SLC25A16: variants seen among roughly 807,000 people sequenced by gnomAD.
SLC25A16 encodes the protein solute carrier family 25 member 16, also known as mitochondrial coenzyme A transporter SLC25A16.
SLC25A16 carries 39 observed loss-of-function variants against 41.5 expected under a neutral mutation model. The ratio of observed to expected loss-of-function variants is 0.94; its 90% CI spans 0.73 to 1.23. The LOEUF is 1.23. SLC25A16 is among the 50% of genes most tolerant of loss of function. The pLI, the probability that SLC25A16 is intolerant of heterozygous loss-of-function variation, is 0.00. For synonymous variants in SLC25A16, 146 were observed against 147.8 expected, an observed-to-expected ratio of 0.99 and a Z score of 0.09; for missense variants, 421 against 426.9, an observed-to-expected ratio of 0.99 and a Z score of 0.12.
chr10:68,499,185 G>T (rs1348105936), intron 4 of SLC25A16, among the ~76,000 whole-genome samples: 2 of 152,132 alleles, frequency 1.3e-5, no homozygotes, highest in Admixed American at 1.3e-4. Flanking sequence ...AGTTACAGAG[G>T]TTTTGGGTGA....
intron 2 of SLC25A16, among the ~76,000 whole-genome samples, chr10:68,507,784 G>C (rs2052982970): frequency 6.6e-6 from 1 of 151,970 alleles, no homozygotes; most frequent in African/African-American, 2.4e-5. Context: ...GCAAACTTTT[G>C]ATCAAATATG....
chr10:68,496,431 T>A lies in SLC25A16; in HGVS notation c.422-2861A>T, dbSNP rs193142063. On this transcript the variant is annotated intron_variant, in intron 4 of 8. Coordinates refer to ENST00000609923, the MANE Select transcript of SLC25A16 (RefSeq NM_152707.4). ...CAAATAAGGCAAATCAGAAACTGCT[T>A]ACCTTGAATAGTGGTGGTAACAGCT... 5.3e-5 allele frequency: 51 copies of A among 967,838 alleles called. No homozygotes were observed. In the African/African-American group the frequency reaches 8.4e-4, roughly 16 times the overall value. 60.0% of individuals were successfully genotyped at this position (967,838 alleles called of 1,614,324 possible). A position where few individuals can be genotyped will look rare whatever the true frequency, so the allele number is the denominator to read the frequency against.
chr10:68,487,227 A>C lies in SLC25A16; in HGVS notation c.774-15T>G. On this transcript the variant is annotated splice_polypyrimidine_tract_variant and intron_variant, in intron 7 of 8. Coordinates refer to ENST00000609923, the MANE Select transcript of SLC25A16 (RefSeq NM_152707.4). ...CAAATGGGTAGCTAAAAGAAGAAAA[A>C]GGCATAAAGAATTAAAAATTTTTGG... The C allele has an allele frequency of 6.2e-7, 1 of 1,609,024 alleles. No homozygotes were observed. Among genetic ancestry groups the C allele is most frequent in the Non-Finnish European group, 8.5e-7 (1 of 1,176,764 alleles).
rs910228911 is a variant in SLC25A16, at chr10:68,521,826, T to C, written c.131-4983A>G. 2.6e-5 allele frequency among the ~76,000 whole-genome samples: 4 copies of C among 151,096 alleles called. 1 individual carries two copies. In the South Asian group the frequency reaches 6.3e-4, roughly 24 times the overall value. ...TTTAGCCGGGATGGTCTCGATCTCC[T>C]GACCTCGTGATCCGCCCGCCTCGGC... On this transcript the variant is annotated intron_variant, in intron 1 of 8. Coordinates refer to ENST00000609923, the MANE Select transcript of SLC25A16 (RefSeq NM_152707.4).
At chr10:68,514,501 A>C (rs10998243) in intron 2 of SLC25A16, among the ~76,000 whole-genome samples, 12,730 of 152,190 alleles carry the variant, frequency 0.084, 774 homozygotes, top group South Asian at 0.24. Context: ...ATCTCAAAAA[A>C]TAATAATAAT....
chr10:68,504,599 G>T (rs1030785467), intron 3 of SLC25A16, among the ~76,000 whole-genome samples: 8 of 148,474 alleles, frequency 5.4e-5, no homozygotes, highest in African/African-American at 1.7e-4. Context: ...GGATGGTCTC[G>T]ATCTCCTGAA....
At chr10:68,524,209 C>G (rs903648596) in intron 1 of SLC25A16, among the ~76,000 whole-genome samples, 1 of 147,224 alleles carries the variant, frequency 6.8e-6, no homozygotes, top group Non-Finnish European at 1.5e-5. Flanking sequence ...ACTCAGGAGG[C>G]TGAGGCAGGA....
At chr10:68,513,350 C>T (rs914156945) in intron 2 of SLC25A16, among the ~76,000 whole-genome samples, 3 of 144,274 alleles carry the variant, frequency 2.1e-5, no homozygotes, top group South Asian at 2.2e-4. Context: ...CAGAGGATAC[C>T]ATGAGCTGAG....
chr10:68,521,570 C>T (rs1590129691), intron 1 of SLC25A16, among the ~76,000 whole-genome samples: 2 of 143,230 alleles, frequency 1.4e-5, no homozygotes, highest in African/African-American at 5.1e-5. Flanking sequence ...TGCAGTGGGT[C>T]ATGCCTGTAA....
At chr10:68,494,159 T>C (rs2052708444) in intron 4 of SLC25A16, among the ~76,000 whole-genome samples, 1 of 152,166 alleles carries the variant, frequency 6.6e-6, no homozygotes, top group South Asian at 2.1e-4. Flanking sequence ...AGTTTTCTGG[T>C]TACTGGCTGA....
At chr10:68,509,638 G>A (rs1478830577) in intron 2 of SLC25A16, among the ~76,000 whole-genome samples, 3 of 151,148 alleles carry the variant, frequency 2.0e-5, no homozygotes, top group African/African-American at 7.3e-5. Flanking sequence ...AGGAGGTAGA[G>A]GCTGCAGTGA....
intron 1 of SLC25A16, 128 bp from the exon 2 acceptor site, chr10:68,516,971 G>A (rs2664412): frequency 1 from 988,003 of 988,324 alleles, 493,843 homozygotes; most frequent in South Asian, 1. Context: ...TGCCCACAGC[G>A]TATAGATATG....
intron 4 of SLC25A16, among the ~76,000 whole-genome samples, chr10:68,501,516 G>C (rs2052844237): frequency 6.9e-6 from 1 of 144,456 alleles, no homozygotes; most frequent in Non-Finnish European, 1.5e-5. Context: ...AGGAAAGTGA[G>C]AAAAAGGAGA....
chr10:68,526,528 C>T (rs956559174), intron 1 of SLC25A16, among the ~76,000 whole-genome samples: 6 of 152,058 alleles, frequency 3.9e-5, no homozygotes, highest in Admixed American at 1.3e-4. Flanking sequence ...TCCCCGGGTC[C>T]CCTTATTTCT....
rs760504060 is a variant in SLC25A16, at chr10:68,483,580, C to T, written c.851G>A (p.Arg284Gln). 72 of 1,598,286 alleles carry T rather than the reference C, an allele frequency of 4.5e-5. No individual in the cohort carries two copies. Among genetic ancestry groups the T allele is most frequent in the South Asian group, 1.6e-4 (14 of 87,268 alleles). Residue 284 changes from arginine (R) to glutamine (Q), a missense_variant, in exon 9 of 9, where the codon CGG becomes CAG. Transcript: ENST00000609923. ...TCCATAGACATACTTCATAGTATCC[C>T]GCATGGTACTGAAAGACAATGATTA... ...LPEFEKCLTM[R>Q]DTMKYVYGHH...
At chr10:68,516,607 T>C in intron 2 of SLC25A16, 144 bp downstream of exon 2, 1 of 533,378 alleles carries the variant, frequency 1.9e-6, no homozygotes, top group Admixed American at 3.6e-5. Flanking sequence ...GAGAAGTTAC[T>C]ATTTATTCCT....
At chr10:68,518,406 T>C (rs1045120323) in intron 1 of SLC25A16, among the ~76,000 whole-genome samples, 2 of 151,156 alleles carry the variant, frequency 1.3e-5, no homozygotes, top group African/African-American at 4.9e-5. Flanking sequence ...TTACAGAGAC[T>C]ATGTCTTAAA....
At chr10:68,518,848 A>G (rs1298189138) in intron 1 of SLC25A16, among the ~76,000 whole-genome samples, 1 of 152,012 alleles carries the variant, frequency 6.6e-6, no homozygotes, top group Non-Finnish European at 1.5e-5. Flanking sequence ...TTTTACTCAG[A>G]TATTATATCC....
intron 4 of SLC25A16, among the ~76,000 whole-genome samples, chr10:68,497,679 T>A (rs1053923400): frequency 2.0e-5 from 3 of 151,460 alleles, no homozygotes; most frequent in Admixed American, 1.3e-4. Flanking sequence ...CGCTGTGATG[T>A]GATCTCAGCT....
Sources: gnomAD v4.1 joint callset for allele counts (sites outside exome capture counted in the v4.1 genomes callset) on GRCh38, gnomAD v4.1.1 for gene constraint, MANE v1.5 for transcripts, NCBI Gene and HGNC (gene_info 2026-07-23, HGNC 2026-07-21) for gene names.